Variants in STIM1 observed in about 807,000 individuals in gnomAD.
STIM1 encodes stromal interaction molecule 1.
Under a neutral mutation model 74.7 loss-of-function variants are expected in STIM1, and 25 were observed. The observed-to-expected ratio is 0.33, with a 90% CI of 0.24 to 0.47. The LOEUF is 0.47. STIM1 is among the 20% of genes least tolerant of loss of function. The pLI is 1.00. For missense variants in STIM1, 728 were observed against 920.8 expected (o/e 0.79, Z 2.71); for synonymous variants, 328 against 348.8 (o/e 0.94, Z 0.66).
intron 1 of STIM1, among the ~76,000 whole-genome samples, chr11:3,884,125 C>T (rs990202152): frequency 2.0e-5 from 3 of 152,204 alleles, no homozygotes; most frequent in South Asian, 4.2e-4. Flanking sequence ...TTGGATGGCC[C>T]TTAAAATCAC....
At chr11:4,082,123 T>A (rs554847819) in intron 7 of STIM1, 61 bp from the exon 8 acceptor site, 7 of 1,546,176 alleles carry the variant, frequency 4.5e-6, no homozygotes, top group Non-Finnish European at 5.4e-6. Flanking sequence ...TGAAGCATCA[T>A]ACAGAGATGT....
chr11:3,872,748 CCTGACCTCA>C (rs1398539779), intron 1 of STIM1, among the ~76,000 whole-genome samples: 8 of 152,162 alleles, frequency 5.3e-5, no homozygotes, highest in Non-Finnish European at 1.5e-5. Context: ...GTCTCTATCT[CCTGACCTCA>C]TGATCCTCCC....
upstream of STIM1, chr11:3,855,611 A>C: frequency 1.1e-3 from 1 of 878 alleles, no homozygotes; most frequent in Non-Finnish European, 2.8e-3. Context: ...GCGGGCGCGG[A>C]GACGCACGCC....
At chr11:3,983,630 T>A (rs910197042) in intron 2 of STIM1, among the ~76,000 whole-genome samples, 13 of 152,170 alleles carry the variant, frequency 8.5e-5, no homozygotes, top group Admixed American at 5.2e-4. Flanking sequence ...GCCAGCCAAG[T>A]GGCTCTAGTT....
rs11030472 is a variant in STIM1 at position 3,978,105 on chromosome 11, A to G, written c.270+10423A>G. 6.5e-3 allele frequency among the ~76,000 whole-genome samples: 986 copies of G among 151,482 alleles called. 71 individuals are homozygous for G. In the East Asian group the frequency reaches 0.17, roughly 26 times the overall value. On this transcript the variant is annotated intron_variant, in intron 2 of 12. Transcript: ENST00000526596. ...GGATCACACATTTATAGGGACTACAACTTTTCTGGCAGCTCACCCAGCCTC... is the reference window on the plus strand; with the variant it reads ...GGATCACACATTTATAGGGACTACAGCTTTTCTGGCAGCTCACCCAGCCTC...
intron 1 of STIM1, among the ~76,000 whole-genome samples, chr11:3,952,540 G>C (rs915962073): frequency 2.0e-5 from 3 of 152,140 alleles, no homozygotes; most frequent in African/African-American, 7.2e-5. Flanking sequence ...TAATCCTTAG[G>C]AGTAGTCAAT....
chr11:4,047,577 C>T (rs1324289479), intron 3 of STIM1, among the ~76,000 whole-genome samples: 1 of 152,098 alleles, frequency 6.6e-6, no homozygotes, highest in Non-Finnish European at 1.5e-5. Flanking sequence ...GATCGTGCCA[C>T]TGCACCCCAG....
Position 4,070,073 on chromosome 11 carries a change from G to A in STIM1, c.661G>A (p.Val221Ile), listed in dbSNP as rs186158674. Residue 221 changes from valine (V) to isoleucine (I), a missense_variant, in exon 6 of 13, where the codon GTT (valine) becomes ATT (isoleucine). Physicochemically the swap from Val to Ile is conservative, Grantham distance 29 (BLOSUM62 3). This residue lies in a region of STIM1 where 132 missense variants were observed against 158.2 expected (regional missense o/e 0.83). Transcript: ENST00000526596. ...LKDFMLVVSI[V>I]IGVGGCWFAY... ...GGACTTCATGCTGGTGGTGTCTATC[G>A]TTATTGGTGTGGGCGGCTGCTGGTT... is the stretch of plus-strand genomic sequence containing the variant. The A allele has an allele frequency of 1.3e-5, 21 of 1,614,180 alleles. No homozygotes were observed. In the East Asian group the frequency reaches 1.3e-4, roughly 10 times the overall value.
intron 1 of STIM1, among the ~76,000 whole-genome samples, chr11:3,882,786 T>C (rs2091564615): frequency 6.6e-6 from 1 of 152,238 alleles, no homozygotes. Flanking sequence ...ACTAAAGTTC[T>C]AGTTTCTCTA....
At chr11:4,059,472 G>T in intron 5 of STIM1, 76 bp downstream of exon 5, 1 of 1,266,730 alleles carries the variant, frequency 7.9e-7, no homozygotes, top group Non-Finnish European at 1.1e-6. Flanking sequence ...CTAAGGCTAA[G>T]GCTCTGGGTC....
intron 3 of STIM1, among the ~76,000 whole-genome samples, chr11:4,025,420 G>A (rs963662230): frequency 2.0e-5 from 3 of 152,144 alleles, no homozygotes; most frequent in African/African-American, 7.2e-5. Context: ...AGTTCCTTCT[G>A]GGGGCTTTTC....
intron 1 of STIM1, among the ~76,000 whole-genome samples, chr11:3,941,884 G>A (rs2093015533): frequency 6.6e-6 from 1 of 151,802 alleles, no homozygotes; most frequent in African/African-American, 2.4e-5. Flanking sequence ...AGGGTCTTAT[G>A]TTGTTGTACA....
At chr11:4,048,492 A>G (rs1389972892) in intron 3 of STIM1, among the ~76,000 whole-genome samples, 1 of 152,094 alleles carries the variant, frequency 6.6e-6, no homozygotes, top group African/African-American at 2.4e-5. Context: ...TTTTAAGTTC[A>G]GCATATCTGT....
intron 5 of STIM1, among the ~76,000 whole-genome samples, chr11:4,059,662 C>T (rs1249196168): frequency 1.3e-5 from 2 of 152,308 alleles, no homozygotes; most frequent in African/African-American, 4.8e-5. Flanking sequence ...GAATCATGTT[C>T]TGCCCTGAAG....
At chr11:4,013,279 A>C (rs1957726140) in intron 2 of STIM1, among the ~76,000 whole-genome samples, 1 of 152,048 alleles carries the variant, frequency 6.6e-6, no homozygotes, top group Admixed American at 6.6e-5. Flanking sequence ...TATTGATTGG[A>C]ATAGTTTCAG....
chr11:4,001,820 G>A (rs1279193949), intron 2 of STIM1, among the ~76,000 whole-genome samples: 3 of 146,636 alleles, frequency 2.0e-5, no homozygotes, highest in Non-Finnish European at 3.0e-5. Flanking sequence ...AGACCCATCC[G>A]TGTGCTGTAT....
intron 1 of STIM1, among the ~76,000 whole-genome samples, chr11:3,967,225 C>G (rs1265131847): frequency 6.6e-6 from 1 of 152,152 alleles, no homozygotes; most frequent in Non-Finnish European, 1.5e-5. Context: ...AAATTTTTTC[C>G]TGTGTTCATT....
intron 2 of STIM1, among the ~76,000 whole-genome samples, chr11:4,004,765 A>C (rs2093759671): frequency 6.6e-6 from 1 of 152,136 alleles, no homozygotes; most frequent in Non-Finnish European, 1.5e-5. Context: ...GAGCTTCTGC[A>C]CAGCAAAAGA....
At chr11:4,023,594 G>T (rs2093975851) in intron 2 of STIM1, among the ~76,000 whole-genome samples, 1 of 152,070 alleles carries the variant, frequency 6.6e-6, no homozygotes, top group South Asian at 2.1e-4. Flanking sequence ...TTGATTTTCA[G>T]TTAACTGTCA....
Sources: allele counts gnomAD v4.1 joint callset (sites outside exome capture counted in the v4.1 genomes callset), GRCh38; gene constraint gnomAD v4.1.1; regional missense constraint gnomAD v4.1.1; transcripts MANE v1.5; gene names NCBI Gene and HGNC (gene_info 2026-07-23, HGNC 2026-07-21).